The following KTN1 variants were observed in gnomAD, a reference collection of about 807,000 sequenced individuals.
The protein encoded by KTN1 is kinectin.
A neutral mutation model predicts 222.5 loss-of-function variants in KTN1; 130 were observed. The observed-to-expected ratio is 0.58, with a 90% CI of 0.51 to 0.68. The LOEUF (loss-of-function observed/expected upper bound fraction) is 0.68, where lower values mean the gene tolerates loss of function less well. Among genes scored for constraint, KTN1 ranks in the 30% least tolerant of loss-of-function variants. The pLI is 0.00. For synonymous variants in KTN1, 512 were observed against 496.3 expected (o/e 1.03, Z -0.42); for missense variants, 1,508 against 1,500.4 (o/e 1.01, Z -0.08).
intron 21 of KTN1, among the ~76,000 whole-genome samples, chr14:55,649,351 A>G (rs896592480): frequency 2.2e-5 from 3 of 133,656 alleles, no homozygotes; most frequent in Non-Finnish European, 5.0e-5. Flanking sequence ...AGAGGCTGCA[A>G]TTTAATACTG....
chr14:55,594,995 A>G (rs370474509), intron 1 of KTN1, among the ~76,000 whole-genome samples: 466 of 152,310 alleles, frequency 3.1e-3, no homozygotes, highest in Non-Finnish European at 3.9e-3. Flanking sequence ...GTCTGCACAG[A>G]AAAGCACCAC....
At chr14:55,592,537 C>T (rs974354019) in intron 1 of KTN1, among the ~76,000 whole-genome samples, 1 of 152,120 alleles carries the variant, frequency 6.6e-6, no homozygotes, top group African/African-American at 2.4e-5. Flanking sequence ...TGGGACTTGA[C>T]TATGGGAGAT....
intron 29 of KTN1, 136 bp downstream of exon 29, chr14:55,656,268 G>A: frequency 3.2e-6 from 2 of 617,620 alleles, no homozygotes; most frequent in South Asian, 2.2e-5. Context: ...GTCATTATTG[G>A]CATGTTTTTT....
intron 12 of KTN1, among the ~76,000 whole-genome samples, 179 bp from the exon 13 acceptor site, chr14:55,639,006 G>C (rs2041458649): frequency 6.6e-6 from 1 of 151,712 alleles, no homozygotes; most frequent in Non-Finnish European, 1.5e-5. Context: ...GGCTGTTGGT[G>C]ATCAAACTTG....
At position 55,655,923 on chromosome 14, in the gene KTN1, G is replaced by A. The variant is rs2043417961; in HGVS notation, c.2802-119G>A. On this transcript the variant is annotated intron_variant, in intron 28 of 43. Transcript: ENST00000395314. ...ACAAACTTCTAAGTTGGTATAATAT[G>A]GGGGAAAAAAAGCTGGTATGTATTG... 3 of 545,410 alleles carry A rather than the reference G, an allele frequency of 5.5e-6. No homozygotes were observed. In the Admixed American group the frequency reaches 1.1e-4, roughly 20 times the overall value. 33.8% of individuals were successfully genotyped at this position (545,410 alleles called of 1,614,324 possible).
At chr14:55,675,972 A>C (rs933420496) in intron 41 of KTN1, 54 bp downstream of exon 41, 3 of 1,195,266 alleles carry the variant, frequency 2.5e-6, no homozygotes, top group Admixed American at 2.0e-5. Context: ...TTGTGTGTTC[A>C]ATCTTAAGCA....
intron 19 of KTN1, among the ~76,000 whole-genome samples, chr14:55,647,669 C>T (rs1445761517): frequency 7.6e-6 from 1 of 131,516 alleles, no homozygotes; most frequent in African/African-American, 2.9e-5. Context: ...AAGAGCCAGG[C>T]ATGGTGGCTG....
At chr14:55,581,375 A>G (rs962487594) in intron 1 of KTN1, among the ~76,000 whole-genome samples, 4 of 152,254 alleles carry the variant, frequency 2.6e-5, no homozygotes, top group African/African-American at 7.2e-5. Flanking sequence ...TGTGTTGGCA[A>G]ACGGATTCCT....
At chr14:55,628,155 A>G in intron 6 of KTN1, 127 bp downstream of exon 6, 1 of 627,944 alleles carries the variant, frequency 1.6e-6, no homozygotes, top group Non-Finnish European at 2.8e-6. Flanking sequence ...ACTTTCCTTT[A>G]GAGTTTTGGG....
At chr14:55,671,399 G>T in intron 35 of KTN1, 167 bp from the exon 36 acceptor site, 1 of 582,044 alleles carries the variant, frequency 1.7e-6, no homozygotes, top group Non-Finnish European at 3.0e-6. Context: ...GACCAAAAGG[G>T]TTATTGAATG....
chr14:55,624,343 G>A (rs899812852), intron 5 of KTN1, among the ~76,000 whole-genome samples: 38 of 152,290 alleles, frequency 2.5e-4, no homozygotes, highest in Non-Finnish European at 1.5e-4. Flanking sequence ...CATAGGATAG[G>A]ATTTTTTGAG....
intron 18 of KTN1, among the ~76,000 whole-genome samples, chr14:55,645,990 A>G (rs1428651844): frequency 6.6e-6 from 1 of 152,198 alleles, no homozygotes; most frequent in Non-Finnish European, 1.5e-5. Flanking sequence ...TGCACAGAAG[A>G]GAATGTTCTA....
intron 12 of KTN1, among the ~76,000 whole-genome samples, chr14:55,638,365 A>G (rs1455941625): frequency 1.3e-5 from 2 of 151,910 alleles, no homozygotes; most frequent in Non-Finnish European, 2.9e-5. Context: ...ACATGTCTTT[A>G]TAAATAATAT....
At chr14:55,662,700 T>G (rs1020674281) in intron 32 of KTN1, among the ~76,000 whole-genome samples, 3 of 152,160 alleles carry the variant, frequency 2.0e-5, no homozygotes, top group Admixed American at 2.0e-4. Context: ...TGTTTTCTGT[T>G]TTTCAAAGTT....
intron 34 of KTN1, chr14:55,668,164 A>G (rs2045040369): frequency 6.6e-6 from 1 of 152,178 alleles, no homozygotes; most frequent in South Asian, 2.1e-4. Context: ...TATTACACTT[A>G]AAAATACATT....
intron 43 of KTN1, chr14:55,682,828 ACT>A (rs2046486757): frequency 6.6e-6 from 1 of 151,650 alleles, no homozygotes. Flanking sequence ...CCCTTTTGTC[ACT>A]GTTTTCTTTT....
rs1379481922 is a variant in KTN1 at position 55,648,844 on chromosome 14, G to T, written c.2341G>T (p.Asp781Tyr). ...ENSSLTKEVQ[D>Y]LKAKQNDQVS... Reference sequence around the variant, plus strand: ...TTCATCTCTGACAAAAGAAGTTCAAGACTTAAAAGCTAAGCAAAATGATCA... The same window carrying T: ...TTCATCTCTGACAAAAGAAGTTCAATACTTAAAAGCTAAGCAAAATGATCA... The change falls in exon 21 of 44, where the codon GAC becomes TAC. Residue 781 changes from aspartate to tyrosine, a missense_variant. By Grantham distance (160) the Asp-to-Tyr change is radical (BLOSUM62 -3). Transcript: ENST00000395314. 10 of 1,603,738 alleles carry T rather than the reference G, an allele frequency of 6.2e-6. No individual in the cohort carries two copies. Among genetic ancestry groups the T allele is most frequent in the African/African-American group, 1.3e-5 (1 of 74,648 alleles).
In KTN1 at chr14:55,675,825, ATTT is replaced by A; in HGVS notation, c.3772-7_3772-5del. On this transcript the variant is annotated splice_polypyrimidine_tract_variant and splice_region_variant and intron_variant, in intron 40 of 43. Coordinates refer to ENST00000395314, the MANE Select transcript of KTN1 (RefSeq NM_001079521.2). ...ATTAAGTTAATTGTGGTGTTCCTTT[ATTT>A]TTACAGTTGAAGGCACAGTTAAATG... is the stretch of plus-strand genomic sequence containing the variant. 6.3e-7 allele frequency: 1 copy of A among 1,581,860 alleles called. No individual in the cohort carries two copies. The highest frequency in any genetic ancestry group is 2.2e-5 in the East Asian group (1 of 44,616).
chr14:55,623,252 T>C (rs1436406588), intron 5 of KTN1, among the ~76,000 whole-genome samples: 1 of 152,280 alleles, frequency 6.6e-6, no homozygotes, highest in Non-Finnish European at 1.5e-5. Flanking sequence ...CAATGTAGTA[T>C]GCTTGTTAGT....
Sources: gnomAD v4.1 joint callset for allele counts (sites outside exome capture counted in the v4.1 genomes callset) on GRCh38, gnomAD v4.1.1 for gene constraint, MANE v1.5 for transcripts, NCBI Gene and HGNC (gene_info 2026-07-23, HGNC 2026-07-21) for gene names.